Variants in SLCO1B3 observed in about 807,000 individuals in gnomAD.
SLCO1B3 encodes the protein solute carrier organic anion transporter family member 1B3, also known as liver-specific organic anion transporter 2.
SLCO1B3 carries 72 observed loss-of-function variants against 71.8 expected under a neutral mutation model. The ratio of observed to expected loss-of-function variants is 1.00; its 90% CI spans 0.83 to 1.22. The LOEUF is 1.22. Ranked by LOEUF, SLCO1B3 falls within the 50% of genes most tolerant of loss-of-function variation. The pLI is 0.00. For missense variants in SLCO1B3, 911 were observed against 819.7 expected (o/e 1.11, Z -1.36); for synonymous variants, 298 against 278.4 (o/e 1.07, Z -0.70).
rs775180729 is a variant in SLCO1B3 at position 20,865,627 on chromosome 12, C to T, written c.727+2773C>T. 6.6e-5 allele frequency among the ~76,000 whole-genome samples: 10 copies of T among 151,988 alleles called. 1 individual carries two copies. The highest frequency in any genetic ancestry group is 6.2e-4 in the South Asian group (3 of 4,814). On this transcript the variant is annotated intron_variant, in intron 8 of 15. Transcript: ENST00000381545. The stretch of plus-strand genomic sequence containing the variant: ...TGATAAATGTATTGGAAACATTTTT[C>T]GAGATTTGTGACGACATGAAAAACC...
chr12:20,849,291 A>G (rs1158889432), intron 3 of SLCO1B3, among the ~76,000 whole-genome samples: 1 of 152,000 alleles, frequency 6.6e-6, no homozygotes, highest in Non-Finnish European at 1.5e-5. Context: ...AATGCAATAT[A>G]TTAAGCAAAG....
At chr12:20,853,546 C>T (rs1472421742) in intron 3 of SLCO1B3, among the ~76,000 whole-genome samples, 2 of 151,834 alleles carry the variant, frequency 1.3e-5, no homozygotes, top group East Asian at 3.9e-4. Flanking sequence ...TCTTATAATT[C>T]TTTTTAATTT....
intron 4 of SLCO1B3, among the ~76,000 whole-genome samples, chr12:20,856,661 G>A (rs1032607115): frequency 6.6e-6 from 1 of 152,170 alleles, no homozygotes; most frequent in Admixed American, 6.5e-5. Flanking sequence ...CTGGGTTTAA[G>A]CAATTCTCCT....
chr12:20,887,168 T>C (rs1247329821), intron 13 of SLCO1B3, among the ~76,000 whole-genome samples: 1 of 152,112 alleles, frequency 6.6e-6, no homozygotes, highest in Non-Finnish European at 1.5e-5. Flanking sequence ...TCACTAGTGC[T>C]GTAGATAAGC....
At chr12:20,907,531 C>T (rs867071418) in intron 15 of SLCO1B3, among the ~76,000 whole-genome samples, 18 of 131,612 alleles carry the variant, frequency 1.4e-4, no homozygotes, top group African/African-American at 3.9e-4. Context: ...TTTTTTGAGA[C>T]GCAGCCCCAC....
intron 3 of SLCO1B3, among the ~76,000 whole-genome samples, chr12:20,834,315 A>C (rs992900120): frequency 2.1e-5 from 3 of 145,436 alleles, no homozygotes; most frequent in African/African-American, 7.4e-5. Flanking sequence ...TATAGGTTGT[A>C]TATATACATA....
chr12:20,909,291 G>A (rs754277017), intron 15 of SLCO1B3, among the ~76,000 whole-genome samples: 3 of 147,224 alleles, frequency 2.0e-5, no homozygotes, highest in Non-Finnish European at 3.0e-5. Context: ...TCAGCCTCCC[G>A]AGTAGCTGGG....
intron 15 of SLCO1B3, among the ~76,000 whole-genome samples, chr12:20,914,582 T>G (rs1176093616): frequency 6.6e-6 from 1 of 152,138 alleles, no homozygotes; most frequent in Non-Finnish European, 1.5e-5. Flanking sequence ...TTTTTTTATT[T>G]AACCTTAACT....
At chr12:20,895,345 A>G (rs920925151) in intron 13 of SLCO1B3, among the ~76,000 whole-genome samples, 3 of 152,204 alleles carry the variant, frequency 2.0e-5, no homozygotes, top group Non-Finnish European at 2.9e-5. Flanking sequence ...ATGCACTTGT[A>G]AAAACAAAAG....
chr12:20,840,850 A>G (rs1013774630), intron 3 of SLCO1B3, among the ~76,000 whole-genome samples: 3 of 152,142 alleles, frequency 2.0e-5, no homozygotes, highest in Non-Finnish European at 4.4e-5. Context: ...CCTGAGGGCA[A>G]GTCTCATAAT....
chr12:20,869,067 G>A (rs542419676), intron 8 of SLCO1B3, among the ~76,000 whole-genome samples: 30 of 152,242 alleles, frequency 2.0e-4, no homozygotes, highest in African/African-American at 5.5e-4. Context: ...TTAGGCCTCT[G>A]GATAACTGCG....
At chr12:20,891,219 A>C (rs2121339349) in intron 13 of SLCO1B3, among the ~76,000 whole-genome samples, 1 of 152,206 alleles carries the variant, frequency 6.6e-6, no homozygotes, top group South Asian at 2.1e-4. Flanking sequence ...TCTGTTTGCG[A>C]CAAATTCCCT....
chr12:20,885,988 A>G (rs892288015), intron 13 of SLCO1B3, among the ~76,000 whole-genome samples: 2 of 152,130 alleles, frequency 1.3e-5, no homozygotes, highest in Admixed American at 6.6e-5. Context: ...ACAATGAGGT[A>G]TTATTGAGCA....
chr12:20,826,844 A>G (rs1864434475), intron 3 of SLCO1B3, among the ~76,000 whole-genome samples: 1 of 152,076 alleles, frequency 6.6e-6, no homozygotes, highest in African/African-American at 2.4e-5. Context: ...TGTATTAGAC[A>G]AAAATTATTT....
chr12:20,909,742 G>T (rs986976313), intron 15 of SLCO1B3, among the ~76,000 whole-genome samples: 1 of 151,840 alleles, frequency 6.6e-6, no homozygotes, highest in African/African-American at 2.4e-5. Context: ...AATGGATCTC[G>T]CTCTGTTGCC....
At chr12:20,845,329 A>C in intron 3 of SLCO1B3, 1 of 67,400 alleles carries the variant, frequency 1.5e-5, no homozygotes, top group South Asian at 4.2e-4. Context: ...AAACATCATC[A>C]GTCCTTAATG....
intron 3 of SLCO1B3, among the ~76,000 whole-genome samples, chr12:20,837,990 TAG>T (rs1209975599): frequency 2.0e-5 from 3 of 152,124 alleles, no homozygotes; most frequent in African/African-American, 7.2e-5. Context: ...TTTTACTTCA[TAG>T]AATTTGATGC....
Position 20,875,296 on chromosome 12 carries a change from T to C in SLCO1B3, c.789T>C (p.Leu263=), listed in dbSNP as rs1865556455. 1 of 1,613,518 alleles carries C rather than the reference T, an allele frequency of 6.2e-7. No homozygotes were observed. Among genetic ancestry groups the C allele is most frequent in the Non-Finnish European group, 8.5e-7 (1 of 1,179,576 alleles). The change falls in exon 9 of 16, where the codon CTT becomes CTC. Residue 263 remains leucine, a synonymous_variant. Coordinates refer to ENST00000381545, the MANE Select transcript of SLCO1B3 (RefSeq NM_019844.4). ...TTGGAGCTTGGTGGCTTGGTTTCCT[T>C]GTGTCTGGACTATTTTCCATTATTT... ...RWVGAWWLGF[L]VSGLFSIISS...
At chr12:20,823,878 C>G (rs911252790) in intron 3 of SLCO1B3, among the ~76,000 whole-genome samples, 2 of 152,160 alleles carry the variant, frequency 1.3e-5, no homozygotes, top group African/African-American at 4.8e-5. Flanking sequence ...CTAGTTTTTC[C>G]AAGGGGCTTC....
Sources: gnomAD v4.1 joint callset for allele counts (sites outside exome capture counted in the v4.1 genomes callset) on GRCh38, gnomAD v4.1.1 for gene constraint, MANE v1.5 for transcripts, NCBI Gene and HGNC (gene_info 2026-07-23, HGNC 2026-07-21) for gene names.